SLC6A11: variants seen among roughly 807,000 people sequenced by gnomAD.
The protein encoded by SLC6A11 is sodium- and chloride-dependent GABA transporter 3.
Under a neutral mutation model 74.8 loss-of-function variants are expected in SLC6A11, and 25 were observed. The ratio of observed to expected loss-of-function variants is 0.33; its 90% CI spans 0.24 to 0.47. The LOEUF (loss-of-function observed/expected upper bound fraction) is 0.47, where lower values mean the gene tolerates loss of function less well. SLC6A11 is among the 20% of genes least tolerant of loss of function. SLC6A11 has a pLI of 1.00. For synonymous variants in SLC6A11, 330 were observed against 330.2 expected (o/e 1.00, Z 0.01); for missense variants, 574 against 837.0 (o/e 0.69, Z 3.88).
chr3:10,857,998 C>T (rs1038086425), intron 5 of SLC6A11, among the ~76,000 whole-genome samples: 2 of 152,148 alleles, frequency 1.3e-5, no homozygotes, highest in African/African-American at 2.4e-5. Context: ...ACAGGAGAGC[C>T]GATGCACCAC....
chr3:10,846,394 G>A (rs1694503648), intron 5 of SLC6A11, among the ~76,000 whole-genome samples: 1 of 152,170 alleles, frequency 6.6e-6, no homozygotes, highest in Admixed American at 6.5e-5. Flanking sequence ...GGCCTGTGGG[G>A]CTTGGCGGGG....
At position 10,819,790 on chromosome 3, in the gene SLC6A11, A is replaced by T. The variant is rs1298889817; in HGVS notation, c.470A>T (p.Tyr157Phe). The T allele has an allele frequency of 7.4e-6, 12 of 1,614,030 alleles. No individual in the cohort carries two copies. Among genetic ancestry groups the T allele is most frequent in the Non-Finnish European group, 1.0e-5 (12 of 1,180,034 alleles). The change falls in exon 3 of 14, where the codon TAC (tyrosine) becomes TTC (phenylalanine). Residue 157 changes from tyrosine to phenylalanine, a missense_variant. Physicochemically the swap from Tyr to Phe is conservative, Grantham distance 22 (BLOSUM62 3). Around this residue, in one of 4 missense-constraint regions of SLC6A11, gnomAD observed 215 missense variants for 357.9 expected, o/e 0.60. Transcript: ENST00000254488. The part of the protein sequence containing the change: ...YIIILAWAIF[Y>F]LSNCFTTELP... ...ATCATCCTGGCATGGGCCATTTTTTACCTGAGCAACTGCTTCACTACTGAG... is the reference window on the plus strand; with the variant it reads ...ATCATCCTGGCATGGGCCATTTTTTTCCTGAGCAACTGCTTCACTACTGAG...
chr3:10,882,276 T>C (rs73037918), intron 6 of SLC6A11, among the ~76,000 whole-genome samples: 5,275 of 152,342 alleles, frequency 0.035, 148 homozygotes, highest in Non-Finnish European at 0.051. Context: ...GCTTCTCCAC[T>C]GATCAAGAGA....
intron 6 of SLC6A11, among the ~76,000 whole-genome samples, chr3:10,903,231 T>C (rs913460070): frequency 6.6e-6 from 1 of 152,224 alleles, no homozygotes; most frequent in African/African-American, 2.4e-5. Flanking sequence ...AGCAGAGGCA[T>C]GCCCTTCTGT....
chr3:10,828,050 C>T (rs530466999), intron 4 of SLC6A11, among the ~76,000 whole-genome samples: 4 of 152,044 alleles, frequency 2.6e-5, no homozygotes, highest in South Asian at 2.1e-4. Flanking sequence ...ATCTGGCATC[C>T]GTGCATTTAT....
At chr3:10,847,159 A>G (rs73814457) in intron 5 of SLC6A11, among the ~76,000 whole-genome samples, 5,362 of 152,226 alleles carry the variant, frequency 0.035, 314 homozygotes, top group African/African-American at 0.12. Flanking sequence ...GAGGGATACA[A>G]TAATTTGCTC....
chr3:10,823,767 G>T (rs985953815), intron 4 of SLC6A11: 12 of 182,704 alleles, frequency 6.6e-5, no homozygotes, highest in African/African-American at 2.8e-4. Flanking sequence ...TCTCTAGAGG[G>T]GATAGGTTAG....
At chr3:10,835,712 G>C (rs772016262) in intron 4 of SLC6A11, among the ~76,000 whole-genome samples, 6 of 152,178 alleles carry the variant, frequency 3.9e-5, no homozygotes, top group Admixed American at 6.5e-5. Context: ...AGCTATTTCT[G>C]TGGAGCCTGA....
intron 4 of SLC6A11, among the ~76,000 whole-genome samples, chr3:10,829,063 C>T (rs964184914): frequency 1.3e-5 from 2 of 152,148 alleles, no homozygotes; most frequent in South Asian, 4.1e-4. Flanking sequence ...ACCTGAACAC[C>T]CACCTGCAAG....
At chr3:10,849,578 C>T (rs1190493889) in intron 5 of SLC6A11, among the ~76,000 whole-genome samples, 2 of 152,146 alleles carry the variant, frequency 1.3e-5, no homozygotes, top group African/African-American at 4.8e-5. Context: ...TTCATTAGCT[C>T]CCTAGCACCT....
chr3:10,868,305 T>A (rs1694789118), intron 5 of SLC6A11, among the ~76,000 whole-genome samples: 1 of 152,192 alleles, frequency 6.6e-6, no homozygotes, highest in Non-Finnish European at 1.5e-5. Context: ...CCTGGAAATC[T>A]TAGGGTGGGG....
chr3:10,829,790 C>G (rs1460196071), intron 4 of SLC6A11, among the ~76,000 whole-genome samples: 1 of 152,194 alleles, frequency 6.6e-6, no homozygotes, highest in Non-Finnish European at 1.5e-5. Flanking sequence ...TGTTTTTACA[C>G]AGGAGACTTT....
chr3:10,882,423 G>T (rs1294025242), intron 6 of SLC6A11, among the ~76,000 whole-genome samples: 1 of 152,098 alleles, frequency 6.6e-6, no homozygotes. Flanking sequence ...TGTCTTCCCA[G>T]CTTGCACTCA....
rs200743729 is a variant in SLC6A11 at position 10,886,807 on chromosome 3, C to CAAA, written c.891+11728_891+11730dup. Reference sequence around the variant, plus strand: ...GGGCAACAAGAGCGAGACTCCATCTCAAAAAAAAAAAAAAAAAATCTCTCC... The same window carrying CAAA: ...GGGCAACAAGAGCGAGACTCCATCTCAAAAAAAAAAAAAAAAAAAAATCTCTCC... On this transcript the variant is annotated intron_variant, in intron 6 of 13. Transcript: ENST00000254488. Among the ~76,000 whole-genome samples, 211 of 101,194 alleles carry CAAA rather than the reference C, an allele frequency of 2.1e-3. 1 individual carries two copies. The highest frequency in any genetic ancestry group is 6.6e-3 in the Middle Eastern group (1 of 152). The allele number at this position is 101,194 out of a possible 152,430, so 66.4% of individuals were successfully genotyped here.
At chr3:10,862,806 T>A (rs561528779) in intron 5 of SLC6A11, among the ~76,000 whole-genome samples, 4 of 152,222 alleles carry the variant, frequency 2.6e-5, no homozygotes, top group African/African-American at 9.7e-5. Context: ...CTGTGAACTG[T>A]CAGTCATATA....
rs901199318 is a variant in SLC6A11, at chr3:10,926,061, C to T, written c.1178C>T (p.Pro393Leu). The T allele has an allele frequency of 1.1e-5, 17 of 1,613,650 alleles. No homozygotes were observed. In the African/African-American group the frequency reaches 1.1e-4, roughly 10 times the overall value. The stretch of plus-strand genomic sequence containing the variant: ...GCGGTCACCATGATGCCTCTCTCCC[C>T]GCTGTGGGCCACCTTGTTCTTCATG... ...PKAVTMMPLSPLWATLFFMML... is the reference protein window; with the variant it reads ...PKAVTMMPLSLLWATLFFMML... The change falls in exon 9 of 14, where the codon CCG (proline) becomes CTG (leucine). Residue 393 changes from proline to leucine, a missense_variant. By Grantham distance (98) the Pro-to-Leu change is moderately conservative. Transcript: ENST00000254488. The surrounding 1 kb of genome is among the most constrained non-coding windows in gnomAD (Gnocchi z 5.7).
intron 4 of SLC6A11, among the ~76,000 whole-genome samples, chr3:10,827,714 T>C (rs941518500): frequency 6.6e-6 from 1 of 152,184 alleles, no homozygotes; most frequent in Non-Finnish European, 1.5e-5. Flanking sequence ...AGATGGAAGA[T>C]GAGGTTCTAG....
intron 8 of SLC6A11, among the ~76,000 whole-genome samples, chr3:10,921,408 T>C (rs1695535364): frequency 6.6e-6 from 1 of 152,224 alleles, no homozygotes; most frequent in Admixed American, 6.5e-5. Flanking sequence ...AGTGATATGT[T>C]ATTAACTCGA....
chr3:10,885,741 G>T (rs1427458179), intron 6 of SLC6A11, among the ~76,000 whole-genome samples: 2 of 136,876 alleles, frequency 1.5e-5, no homozygotes, highest in South Asian at 2.5e-4. Context: ...GGGTTGACCA[G>T]ATCTCTCCAC....
Sources: allele counts gnomAD v4.1 joint callset (sites outside exome capture counted in the v4.1 genomes callset), GRCh38; gene constraint gnomAD v4.1.1; regional missense constraint gnomAD v4.1.1; non-coding constraint Gnocchi (gnomAD v3.1); transcripts MANE v1.5; gene names NCBI Gene and HGNC (gene_info 2026-07-23, HGNC 2026-07-21).